ANGEL2: variants seen among roughly 807,000 people sequenced by gnomAD.
ANGEL2 encodes the protein angel homolog 2, also known as RNA 2',3'-cyclic phosphatase ANGEL2.
In ANGEL2, 41 loss-of-function variants were observed where a neutral mutation model predicts 66.0. The observed-to-expected ratio is 0.62, with a 90% CI of 0.48 to 0.81. The LOEUF (loss-of-function observed/expected upper bound fraction) is 0.81, where lower values mean the gene tolerates loss of function less well. Among genes scored for constraint, ANGEL2 ranks in the 30% least tolerant of loss-of-function variants. The pLI, the probability that ANGEL2 is intolerant of heterozygous loss-of-function variation, is 0.00. For synonymous variants in ANGEL2, 208 were observed against 226.5 expected (o/e 0.92, Z 0.73); for missense variants, 561 against 641.6 (o/e 0.87, Z 1.36).
intron 1 of ANGEL2, among the ~76,000 whole-genome samples, chr1:213,013,804 A>G (rs1177499408): frequency 6.6e-6 from 1 of 152,232 alleles, no homozygotes; most frequent in Non-Finnish European, 1.5e-5. Flanking sequence ...CTGAAATCGA[A>G]TAAGGAACTC....
intron 8 of ANGEL2, among the ~76,000 whole-genome samples, chr1:212,996,640 A>ATATACAT (rs1553281538): frequency 1.5e-5 from 1 of 66,484 alleles, no homozygotes; most frequent in African/African-American, 6.9e-5. Context: ...AAAAAAAAAA[A>ATATACAT]ATATATATAT....
chr1:213,002,594 T>G (rs1188848130), intron 5 of ANGEL2, among the ~76,000 whole-genome samples: 2 of 152,182 alleles, frequency 1.3e-5, no homozygotes, highest in South Asian at 2.1e-4. Context: ...AGATGGCATC[T>G]TCTTGCAATA....
chr1:212,995,004 C>T lies in ANGEL2; in HGVS notation c.*37G>A, dbSNP rs778489228. On this transcript the variant is annotated 3_prime_UTR_variant, in exon 9 of 9. Transcript: ENST00000366962. ...ACTTTACATTCTTTGAAAAACAATA[C>T]AAATTGGAAAGAAAATTAGTATGTG... 1 of 1,554,384 alleles carries T rather than the reference C, an allele frequency of 6.4e-7. No homozygotes were observed. Among genetic ancestry groups the T allele is most frequent in the Non-Finnish European group, 8.7e-7 (1 of 1,149,872 alleles).
rs774561174 is a variant in ANGEL2, at chr1:212,995,191, T to C, written c.1485A>G (p.Gly495=). The change falls in exon 9 of 9, where the codon GGA becomes GGG. Residue 495 remains glycine (G), a splice_region_variant and synonymous_variant. Transcript: ENST00000366962. Reference sequence around the variant, plus strand: ...AGCCACCAACCAAAGCAACTTCAGCTCCTACATTAAAGAAGCACACACATA... The same window carrying C: ...AGCCACCAACCAAAGCAACTTCAGCCCCTACATTAAAGAAGCACACACATA... ...AEKEDVAGHP[G]AEVALVGGLK... The C allele has an allele frequency of 2.5e-6, 4 of 1,599,536 alleles. No homozygotes were observed. Among genetic ancestry groups the C allele is most frequent in the Admixed American group, 1.7e-5 (1 of 57,388 alleles).
intron 7 of ANGEL2, among the ~76,000 whole-genome samples, chr1:212,998,656 G>C (rs1253671437): frequency 1.3e-5 from 2 of 149,106 alleles, no homozygotes; most frequent in African/African-American, 4.9e-5. Context: ...CGAGTAGCTG[G>C]GACTACAGGC....
intron 3 of ANGEL2, 76 bp from the exon 4 acceptor site, chr1:213,007,274 A>T (rs1203151094): frequency 8.6e-7 from 1 of 1,157,074 alleles, no homozygotes; most frequent in Non-Finnish European, 1.2e-6. Flanking sequence ...ATCTTAAAAT[A>T]TCTAAAAGCA....
At chr1:213,003,357 C>A (rs114728833) in intron 5 of ANGEL2, among the ~76,000 whole-genome samples, 1 of 152,320 alleles carries the variant, frequency 6.6e-6, no homozygotes, top group Non-Finnish European at 1.5e-5. Context: ...GTGCAAGAGG[C>A]CTAGCTTTTG....
intron 7 of ANGEL2, among the ~76,000 whole-genome samples, chr1:212,998,368 CT>C (rs1226977640): frequency 6.6e-6 from 1 of 151,806 alleles, no homozygotes; most frequent in Admixed American, 6.6e-5. Context: ...TGCCACTGCA[CT>C]CTAGCCTGGA....
intron 5 of ANGEL2, among the ~76,000 whole-genome samples, chr1:213,004,758 C>G (rs988455201): frequency 1.3e-5 from 2 of 150,404 alleles, no homozygotes; most frequent in Non-Finnish European, 3.0e-5. Flanking sequence ...ACCCCAGCCA[C>G]TCGGGAGGCT....
chr1:212,996,273 C>G (rs762821536), intron 8 of ANGEL2, among the ~76,000 whole-genome samples: 10 of 152,108 alleles, frequency 6.6e-5, no homozygotes, highest in Non-Finnish European at 1.2e-4. Flanking sequence ...CGCCACTGCA[C>G]TCCAGCCTGG....
At position 212,993,495 on chromosome 1, in the gene ANGEL2, T is replaced by C. The variant is rs1392033800; in HGVS notation, c.*1546A>G. On this transcript the variant is annotated 3_prime_UTR_variant, in exon 9 of 9. Transcript: ENST00000366962. ...ACTTAGTCCAAGACTATTATTGTTT[T>C]CCAATTTAAGGTGAAGCATTCTATT... 2.0e-5 allele frequency: 3 copies of C among 152,200 alleles called. No individual in the cohort carries two copies. Among genetic ancestry groups the C allele is most frequent in the Non-Finnish European group, 2.9e-5 (2 of 68,038 alleles). The allele number at this position is 152,200 out of a possible 1,614,324, so 9.4% of individuals were successfully genotyped here.
At chr1:213,015,194 G>C (rs2076609560) in intron 1 of ANGEL2, 1 of 1,027,900 alleles carries the variant, frequency 9.7e-7, no homozygotes, top group Non-Finnish European at 1.2e-6. Context: ...CCACACACGC[G>C]CCTCCAAGGG....
chr1:213,010,412 A>T (rs908033772), intron 2 of ANGEL2, among the ~76,000 whole-genome samples: 1 of 152,048 alleles, frequency 6.6e-6, no homozygotes, highest in Non-Finnish European at 1.5e-5. Flanking sequence ...TCTACTAAAA[A>T]ATACAAAAAT....
chr1:213,011,535 A>G (rs913981427), intron 2 of ANGEL2: 1 of 974,294 alleles, frequency 1.0e-6, no homozygotes, highest in African/African-American at 1.8e-5. Flanking sequence ...CCCATCCATT[A>G]AGGGAAAACA....
chr1:213,000,407 TTAA>T (rs2076145767), intron 6 of ANGEL2, 24 bp from the exon 7 acceptor site: 1 of 1,594,368 alleles, frequency 6.3e-7, no homozygotes, highest in Non-Finnish European at 8.6e-7. Flanking sequence ...GGAAAATATA[TTAA>T]TGTTATTGTT....
intron 1 of ANGEL2, chr1:213,015,303 T>A (rs1171786382): frequency 7.7e-7 from 1 of 1,305,626 alleles, no homozygotes; most frequent in Non-Finnish European, 9.8e-7. Context: ...CCAGCGCTGG[T>A]CTGGAGGCTG....
At chr1:213,007,099 G>GAA (rs202124670) in intron 4 of ANGEL2, 30 bp downstream of exon 4, 87,475 of 1,358,998 alleles carry the variant, frequency 0.064, 5 homozygotes, top group Non-Finnish European at 0.072. Context: ...TCTCAAAAAA[G>GAA]AAAAAAAAAA....
chr1:213,015,576 C>T (rs749861276), intron 1 of ANGEL2, 37 bp downstream of exon 1: 2 of 1,610,456 alleles, frequency 1.2e-6, no homozygotes, highest in Non-Finnish European at 1.7e-6. Flanking sequence ...GGCCGCCCGC[C>T]CCTCTCTCCT....
chr1:213,014,521 C>T (rs2076588460), intron 1 of ANGEL2, among the ~76,000 whole-genome samples: 1 of 152,134 alleles, frequency 6.6e-6, no homozygotes, highest in African/African-American at 2.4e-5. Flanking sequence ...CTCTGAAAGC[C>T]ATAGGAATTT....
Sources: gnomAD v4.1 joint callset for allele counts (sites outside exome capture counted in the v4.1 genomes callset) on GRCh38, gnomAD v4.1.1 for gene constraint, MANE v1.5 for transcripts, NCBI Gene and HGNC (gene_info 2026-07-23, HGNC 2026-07-21) for gene names.